Variants in CLASP1 observed in about 807,000 individuals in gnomAD.
CLASP1 encodes CLIP-associating protein 1.
A neutral mutation model predicts 192.3 loss-of-function variants in CLASP1; 38 were observed. The ratio of observed to expected loss-of-function variants is 0.20; its 90% CI spans 0.15 to 0.26. The LOEUF is 0.26. Ranked by LOEUF, CLASP1 falls within the 10% of genes least tolerant of loss-of-function variation. CLASP1 has a pLI of 1.00. For missense variants in CLASP1, 1,433 were observed against 1,932.5 expected (o/e 0.74, Z 4.85); for synonymous variants, 691 against 712.8 (o/e 0.97, Z 0.49).
chr2:121,339,577 G>C (rs1029252960), exon 40 of CLASP1: 1 of 152,162 alleles, frequency 6.6e-6, no homozygotes, highest in Non-Finnish European at 1.5e-5. Flanking sequence ...TTTTATTGGA[G>C]TAATTAGGCT....
intron 2 of CLASP1, among the ~76,000 whole-genome samples, chr2:121,578,302 G>T (rs2060747594): frequency 6.6e-6 from 1 of 151,810 alleles, no homozygotes; most frequent in Admixed American, 6.6e-5. Context: ...CATGCCTGCA[G>T]TCCCAGCTAC....
At chr2:121,369,785 T>A (rs2068216419) in intron 34 of CLASP1, among the ~76,000 whole-genome samples, 1 of 152,230 alleles carries the variant, frequency 6.6e-6, no homozygotes, top group African/African-American at 2.4e-5. Flanking sequence ...CCTTTAATAT[T>A]TTTGCTACTG....
intron 19 of CLASP1, among the ~76,000 whole-genome samples, chr2:121,439,922 T>C (rs1426549884): frequency 9.1e-6 from 1 of 110,270 alleles, no homozygotes; most frequent in Non-Finnish European, 1.7e-5. Flanking sequence ...TATCACACTC[T>C]GGGACTGTCG....
intron 2 of CLASP1, among the ~76,000 whole-genome samples, chr2:121,536,377 T>TAAAA (rs1559552495): frequency 0.013 from 825 of 62,024 alleles, 29 homozygotes; most frequent in African/African-American, 0.12. Flanking sequence ...CAAGACTGTC[T>TAAAA]GAAAAAAAAA....
In CLASP1 at chr2:121,502,171, T is replaced by C. The variant is rs148937616; in HGVS notation, c.712+996A>G. Among the ~76,000 whole-genome samples, 28 of 152,198 alleles carry C rather than the reference T, an allele frequency of 1.8e-4. No homozygotes were observed. The East Asian group carries it at 5.2e-3, about 28-fold the overall frequency. ...AGGAACTGGCAACAATAGACTACAA[T>C]TGACATCAAAATCATTACTTTATTT... is the stretch of plus-strand genomic sequence containing the variant. On this transcript the variant is annotated intron_variant, in intron 8 of 39. Coordinates refer to ENST00000263710, the Ensembl canonical transcript of CLASP1.
intron 7 of CLASP1, 129 bp from the exon 8 acceptor site, chr2:121,503,363 C>T: frequency 1.7e-6 from 1 of 601,372 alleles, no homozygotes; most frequent in Non-Finnish European, 3.0e-6. Flanking sequence ...CACCTAGTAA[C>T]AAAACAGTGA....
rs145412863 is a variant in CLASP1, at chr2:121,437,981, A to C, written c.1913-7804T>G. 7.6e-3 allele frequency among the ~76,000 whole-genome samples: 1,154 copies of C among 152,290 alleles called. 9 individuals are homozygous for C. The highest frequency in any genetic ancestry group is 0.024 in the Middle Eastern group (7 of 294). On this transcript the variant is annotated intron_variant, in intron 19 of 39. Transcript: ENST00000263710. ...ATATATCCTTAAAAAATGCGAGTTT[A>C]TTTCTTTTAAACACTTTAGTTATTT...
intron 2 of CLASP1, among the ~76,000 whole-genome samples, chr2:121,543,175 A>G (rs2095266692): frequency 6.6e-6 from 1 of 152,190 alleles, no homozygotes; most frequent in African/African-American, 2.4e-5. Flanking sequence ...ACTCGGACAC[A>G]TAGGTAAAAA....
chr2:121,601,897 G>A (rs1168262309), intron 2 of CLASP1, among the ~76,000 whole-genome samples: 3 of 152,072 alleles, frequency 2.0e-5, no homozygotes, highest in Non-Finnish European at 4.4e-5. Context: ...AATTCTGGCC[G>A]AGCACAGTGG....
intron 30 of CLASP1, chr2:121,388,111 T>C (rs1280923357): frequency 1.0e-5 from 5 of 481,104 alleles, no homozygotes; most frequent in Non-Finnish European, 1.8e-5. Context: ...GGCTTCATTT[T>C]AATGCCCTCT....
chr2:121,577,220 T>G (rs1246665774), intron 2 of CLASP1, among the ~76,000 whole-genome samples: 2 of 150,934 alleles, frequency 1.3e-5, no homozygotes, highest in Non-Finnish European at 2.9e-5. Flanking sequence ...CTTACGTATC[T>G]TTAAAAAAAA....
At chr2:121,394,999 C>T (rs745706534) in intron 30 of CLASP1, among the ~76,000 whole-genome samples, 1 of 152,126 alleles carries the variant, frequency 6.6e-6, no homozygotes, top group Non-Finnish European at 1.5e-5. Context: ...CTCCCGATAG[C>T]TTTGAACAAG....
At chr2:121,404,429 A>G in exon 26 of CLASP1, 5 of 1,610,160 alleles carry the variant, frequency 3.1e-6, no homozygotes, top group Non-Finnish European at 4.2e-6. Flanking sequence ...TTTCAGTTCA[A>G]CTCGACTAGA....
chr2:121,484,200 C>G (rs970844083), intron 8 of CLASP1, among the ~76,000 whole-genome samples: 1 of 152,180 alleles, frequency 6.6e-6, no homozygotes, highest in Non-Finnish European at 1.5e-5. Context: ...TATTTGATAA[C>G]TGTCCTCACA....
intron 19 of CLASP1, among the ~76,000 whole-genome samples, chr2:121,433,932 TTTA>T (rs947146030): frequency 6.6e-6 from 1 of 152,200 alleles, no homozygotes; most frequent in Non-Finnish European, 1.5e-5. Context: ...ACCTAATGTT[TTTA>T]TTATTATTTT....
intron 39 of CLASP1, 26 bp downstream of exon 40, chr2:121,347,012 A>C (rs1294501513): frequency 7.1e-7 from 1 of 1,417,276 alleles, no homozygotes; most frequent in Non-Finnish European, 9.7e-7. Flanking sequence ...AGGTGTGCGT[A>C]TCAGCCCAGG....
intron 6 of CLASP1, among the ~76,000 whole-genome samples, chr2:121,517,858 CTTTTTTTTTTTTTTTTTTTT>C (rs70954553): frequency 6.2e-4 from 19 of 30,822 alleles, no homozygotes; most frequent in South Asian, 2.3e-3. Flanking sequence ...AAGACTCAAG[CTTTTTTTTTTTTTTTTTTTT>C]TTTTTTTTTT....
intron 14 of CLASP1, among the ~76,000 whole-genome samples, chr2:121,456,458 T>C (rs994944357): frequency 7.3e-6 from 1 of 137,738 alleles, no homozygotes; most frequent in African/African-American, 2.8e-5. Context: ...CCAGCCTGGG[T>C]GAAAGAAAGA....
At chr2:121,476,934 C>T (rs1048295367) in intron 8 of CLASP1, among the ~76,000 whole-genome samples, 1 of 152,220 alleles carries the variant, frequency 6.6e-6, no homozygotes, top group Non-Finnish European at 1.5e-5. Flanking sequence ...CTTGAATTTG[C>T]AGAGCTCCAA....
Sources: gnomAD v4.1 joint callset for allele counts (sites outside exome capture counted in the v4.1 genomes callset) on GRCh38, gnomAD v4.1.1 for gene constraint, MANE v1.5 for transcripts, NCBI Gene and HGNC (gene_info 2026-07-23, HGNC 2026-07-21) for gene names.